The following CASK variants were observed in gnomAD, a reference collection of about 807,000 sequenced individuals.
CASK encodes calcium/calmodulin dependent serine protein kinase.
Under a neutral mutation model 82.9 loss-of-function variants are expected in CASK, and 4 were observed. That is an observed-to-expected ratio of 0.05 (90% CI 0.02 to 0.11). The LOEUF is 0.11. CASK is among the 10% of genes least tolerant of loss of function. The pLI is 1.00. For missense variants in CASK, 358 were observed against 720.9 expected, an observed-to-expected ratio of 0.50 and a Z score of 5.76; for synonymous variants, 259 against 253.5, an observed-to-expected ratio of 1.02 and a Z score of -0.20.
chrX:41,694,082 T>C (rs1005332394), intron 5 of CASK, among the ~76,000 whole-genome samples: 2 of 112,139 alleles, frequency 1.8e-5, no homozygotes, highest in African/African-American at 6.5e-5. Context: ...CTCTGTCTTA[T>C]TCACCTTCCT....
intron 5 of CASK, among the ~76,000 whole-genome samples, chrX:41,690,110 T>G (rs1430158848): frequency 9.0e-6 from 1 of 111,672 alleles, no homozygotes; most frequent in African/African-American, 3.3e-5. Context: ...TTGTGACCAC[T>G]TCAATATAGC....
chrX:41,912,496 C>T (rs1372249174), intron 1 of CASK, among the ~76,000 whole-genome samples: 10 of 107,419 alleles, frequency 9.3e-5, no homozygotes, highest in Admixed American at 9.0e-4. Context: ...TTAGTAGAGA[C>T]GGGGCTTCAC....
In CASK at chrX:41,700,552, T is replaced by C. The variant is rs1275764076; in HGVS notation, c.430-29022A>G. ...GTCTAAGCAGATCCTAGATGATATATGAGAAAAGTACAAAATACGTATATG... is the reference window on the plus strand; with the variant it reads ...GTCTAAGCAGATCCTAGATGATATACGAGAAAAGTACAAAATACGTATATG... On this transcript the variant is annotated intron_variant, in intron 5 of 26. Coordinates refer to ENST00000378163, the MANE Select transcript of CASK (RefSeq NM_001367721.1). Among the ~76,000 whole-genome samples, 3 of 104,394 alleles carry C rather than the reference T, an allele frequency of 2.9e-5. No homozygotes were observed. The Admixed American group carries it at 3.2e-4, about 11-fold the overall frequency. The allele number at this position is 104,394 out of a possible 115,157, so 90.7% of individuals were successfully genotyped here.
At chrX:41,616,800 G>A (rs777623164) in intron 11 of CASK, among the ~76,000 whole-genome samples, 14 of 111,120 alleles carry the variant, frequency 1.3e-4, no homozygotes, top group Admixed American at 4.8e-4. Context: ...GTAGAGACGG[G>A]GTTTCACCAT....
intron 5 of CASK, among the ~76,000 whole-genome samples, chrX:41,705,965 T>A (rs1255415337): frequency 9.0e-6 from 1 of 111,362 alleles, no homozygotes; most frequent in Admixed American, 9.6e-5. Flanking sequence ...TCAGTTTGTC[T>A]CTTTGTTTTC....
At chrX:41,911,095 G>A (rs2072556110) in intron 1 of CASK, among the ~76,000 whole-genome samples, 1 of 111,505 alleles carries the variant, frequency 9.0e-6, no homozygotes, top group Non-Finnish European at 1.9e-5. Context: ...TGTTTTACAA[G>A]TATCTAATTA....
intron 18 of CASK, among the ~76,000 whole-genome samples, chrX:41,557,948 A>G (rs985917327): frequency 7.2e-5 from 8 of 110,603 alleles, no homozygotes; most frequent in Admixed American, 9.6e-5. Context: ...TCTTTTTAAA[A>G]GACATTTTTT....
rs1417218892 is a variant in CASK at position 41,679,621 on chromosome X, T to C, written c.430-8091A>G. Among the ~76,000 whole-genome samples the C allele has an allele frequency of 2.7e-5, 3 of 111,708 alleles. No homozygotes were observed. The East Asian group carries it at 8.3e-4, about 31-fold the overall frequency. ...CTAGGCAACCTCCAAAGGTGACTGA[T>C]GAGGTGTTTTTTTTTTAATTATTAT... On this transcript the variant is annotated intron_variant, in intron 5 of 26. Transcript: ENST00000378163.
chrX:41,882,379 C>T (rs1310105378), intron 1 of CASK, among the ~76,000 whole-genome samples: 1 of 111,470 alleles, frequency 9.0e-6, no homozygotes, highest in Non-Finnish European at 1.9e-5. Flanking sequence ...AGTTAAACAG[C>T]ATAAAGGATT....
Position 41,650,259 on chromosome X carries a change from G to T in CASK, c.831+10180C>A, listed in dbSNP as rs183367582. Among the ~76,000 whole-genome samples the T allele has an allele frequency of 9.8e-4, 109 of 111,137 alleles. 2 individuals carry two copies. Among genetic ancestry groups the T allele is most frequent in the African/African-American group, 3.5e-3 (107 of 30,643 alleles). ...AGCATTTAGCCCATTTACATTTAAG[G>T]TTAATATTGTTATGTGTGAATTTGA... On this transcript the variant is annotated intron_variant, in intron 8 of 26. Coordinates refer to ENST00000378163, the MANE Select transcript of CASK (RefSeq NM_001367721.1).
intron 24 of CASK, among the ~76,000 whole-genome samples, chrX:41,532,196 A>C (rs1231733340): frequency 8.9e-6 from 1 of 112,172 alleles, no homozygotes; most frequent in African/African-American, 3.2e-5. Flanking sequence ...TCAGTCTCCC[A>C]AAGTGCTGGG....
chrX:41,633,617 A>T (rs17260164), intron 9 of CASK, among the ~76,000 whole-genome samples: 7 of 107,584 alleles, frequency 6.5e-5, no homozygotes, highest in African/African-American at 1.7e-4. Flanking sequence ...TTTTTTTTTA[A>T]TGAAGTATTA....
At chrX:41,557,278 G>A (rs1273405966) in intron 18 of CASK, among the ~76,000 whole-genome samples, 178 bp from the exon 19 acceptor site, 1 of 111,676 alleles carries the variant, frequency 9.0e-6, no homozygotes, top group Non-Finnish European at 1.9e-5. Context: ...TTTGCAGTTC[G>A]AAGGCTCACA....
intron 10 of CASK, among the ~76,000 whole-genome samples, chrX:41,622,835 T>C (rs2066306745): frequency 9.0e-6 from 1 of 111,070 alleles, no homozygotes; most frequent in African/African-American, 3.3e-5. Context: ...GTTCTGATTC[T>C]GAATTACTTG....
At chrX:41,569,822 G>C (rs982031785) in intron 15 of CASK, 76 bp from the exon 16 acceptor site, 12 of 620,239 alleles carry the variant, frequency 1.9e-5, no homozygotes, top group African/African-American at 2.3e-5. Context: ...TTGTGATTTT[G>C]CGGTAGATAA....
chrX:41,824,329 G>A (rs140333724), intron 2 of CASK, among the ~76,000 whole-genome samples: 1,587 of 112,286 alleles, frequency 0.014, 11 homozygotes, highest in Non-Finnish European at 0.022. Flanking sequence ...TCTATTGTCT[G>A]TCAGCTCCAA....
intron 2 of CASK, among the ~76,000 whole-genome samples, chrX:41,822,352 G>A (rs2070562288): frequency 9.1e-6 from 1 of 109,961 alleles, no homozygotes; most frequent in African/African-American, 3.3e-5. Flanking sequence ...GAGCTCAAGA[G>A]TTCAAGACCA....
chrX:41,869,015 T>C (rs1378678266), intron 1 of CASK, among the ~76,000 whole-genome samples: 1 of 111,545 alleles, frequency 9.0e-6, no homozygotes, highest in Non-Finnish European at 1.9e-5. Flanking sequence ...AAAAACAAAA[T>C]AAAACCTTCC....
At chrX:41,715,402 C>T (rs1456570305) in intron 5 of CASK, among the ~76,000 whole-genome samples, 1 of 111,257 alleles carries the variant, frequency 9.0e-6, no homozygotes, top group Non-Finnish European at 1.9e-5. Flanking sequence ...GGTGGATCAC[C>T]TGAGGTCAGG....
Sources: gnomAD v4.1 joint callset for allele counts (sites outside exome capture counted in the v4.1 genomes callset) on GRCh38, gnomAD v4.1.1 for gene constraint, MANE v1.5 for transcripts, NCBI Gene and HGNC (gene_info 2026-07-23, HGNC 2026-07-21) for gene names.